Variants in NTRK2 observed in about 807,000 individuals in gnomAD.
The protein encoded by NTRK2 is neurotrophic receptor tyrosine kinase 2.
A neutral mutation model predicts 94.5 loss-of-function variants in NTRK2; 13 were observed. The observed-to-expected ratio is 0.14, with a 90% CI of 0.09 to 0.22. The LOEUF is 0.22. Among genes scored for constraint, NTRK2 ranks in the 10% least tolerant of loss-of-function variants. The pLI, the probability that NTRK2 is intolerant of heterozygous loss-of-function variation, is 1.00. For synonymous variants in NTRK2, 372 were observed against 407.4 expected, an observed-to-expected ratio of 0.91 and a Z score of 1.05; for missense variants, 639 against 1,071.2, an observed-to-expected ratio of 0.60 and a Z score of 5.63.
intron 11 of NTRK2, among the ~76,000 whole-genome samples, chr9:84,751,113 C>T (rs1311421447): frequency 6.6e-6 from 1 of 152,184 alleles, no homozygotes; most frequent in Non-Finnish European, 1.5e-5. Context: ...GAACTCACCC[C>T]AGAAGTGCCC....
At chr9:84,918,218 A>T (rs1207757727) in intron 14 of NTRK2, among the ~76,000 whole-genome samples, 1 of 152,214 alleles carries the variant, frequency 6.6e-6, no homozygotes, top group Non-Finnish European at 1.5e-5. Flanking sequence ...TCAGGAACCA[A>T]GACTCCAACA....
At chr9:84,876,686 C>G in intron 14 of NTRK2, 5 of 1,060,264 alleles carry the variant, frequency 4.7e-6, no homozygotes, top group Non-Finnish European at 5.7e-6. Flanking sequence ...GGTTCAGGAA[C>G]TATGATGCTA....
At chr9:84,822,138 G>T (rs1436871151) in intron 12 of NTRK2, among the ~76,000 whole-genome samples, 1 of 152,126 alleles carries the variant, frequency 6.6e-6, no homozygotes, top group Non-Finnish European at 1.5e-5. Context: ...GTATCAGAGA[G>T]TCTTTTTCTA....
At chr9:84,693,487 A>C (rs971862592) in intron 2 of NTRK2, among the ~76,000 whole-genome samples, 12 of 152,182 alleles carry the variant, frequency 7.9e-5, no homozygotes, top group Non-Finnish European at 1.8e-4. Context: ...TTTCTTTATA[A>C]TATTTTGAAG....
chr9:84,970,048 T>C (rs1243604217), intron 17 of NTRK2, among the ~76,000 whole-genome samples: 1 of 152,226 alleles, frequency 6.6e-6, no homozygotes, highest in Non-Finnish European at 1.5e-5. Context: ...ATTTTTGTGA[T>C]CTTGAACAAG....
At chr9:84,905,517 ACAAT>A (rs2077048162) in intron 14 of NTRK2, among the ~76,000 whole-genome samples, 2 of 152,224 alleles carry the variant, frequency 1.3e-5, no homozygotes, top group African/African-American at 4.8e-5. Flanking sequence ...TGGGTCACAA[ACAAT>A]CAATATTTTT....
At chr9:84,989,243 A>C (rs923616849) in intron 17 of NTRK2, among the ~76,000 whole-genome samples, 1 of 152,122 alleles carries the variant, frequency 6.6e-6, no homozygotes, top group African/African-American at 2.4e-5. Flanking sequence ...TGAGGCACTA[A>C]ATACTTCTCT....
At chr9:84,778,353 T>C (rs867454546) in intron 12 of NTRK2, among the ~76,000 whole-genome samples, 6 of 152,216 alleles carry the variant, frequency 3.9e-5, no homozygotes, top group Non-Finnish European at 7.3e-5. Flanking sequence ...CCAGCTCAGC[T>C]TATTTCTCTC....
intron 17 of NTRK2, among the ~76,000 whole-genome samples, chr9:84,956,760 C>T (rs1445123588): frequency 3.9e-5 from 6 of 151,996 alleles, no homozygotes; most frequent in South Asian, 2.1e-4. Flanking sequence ...ATGGCCTCTG[C>T]GTTTTAGTGG....
In NTRK2 at chr9:85,022,542, C is replaced by A. The variant is rs1832833933; in HGVS notation, c.*1105C>A. 4.3e-6 allele frequency: 1 copy of A among 233,098 alleles called. No individual in the cohort carries two copies. The highest frequency in any genetic ancestry group is 5.6e-5 in the Admixed American group (1 of 17,778). 14.4% of individuals were successfully genotyped at this position (233,098 alleles called of 1,614,324 possible). A position where few individuals can be genotyped will look rare whatever the true frequency, so the allele number is the denominator to read the frequency against. On this transcript the variant is annotated 3_prime_UTR_variant, in exon 19 of 19. Coordinates refer to ENST00000277120, the MANE Select transcript of NTRK2 (RefSeq NM_006180.6). ...AAGCTATAAATTCGGAGGCAAGTTT[C>A]TTTTACAATGAACTTTTCAGATCTC...
At chr9:84,756,155 C>G (rs112175333) in intron 12 of NTRK2, among the ~76,000 whole-genome samples, 4 of 152,128 alleles carry the variant, frequency 2.6e-5, no homozygotes, top group South Asian at 2.1e-4. Context: ...TAATATTATC[C>G]CTTTTCTTCT....
intron 17 of NTRK2, among the ~76,000 whole-genome samples, chr9:84,956,588 G>T (rs1366082087): frequency 1.3e-5 from 2 of 152,178 alleles, no homozygotes; most frequent in Non-Finnish European, 2.9e-5. Context: ...AAATGTGCTG[G>T]TGTCTATAGC....
intron 12 of NTRK2, among the ~76,000 whole-genome samples, chr9:84,784,675 T>C (rs922669656): frequency 6.6e-6 from 1 of 152,198 alleles, no homozygotes; most frequent in African/African-American, 2.4e-5. Context: ...TATTTAGTGG[T>C]ACACACATGC....
At chr9:84,721,115 A>G (rs528353037) in intron 6 of NTRK2, among the ~76,000 whole-genome samples, 1 of 152,300 alleles carries the variant, frequency 6.6e-6, no homozygotes, top group African/African-American at 2.4e-5. Context: ...AAATAAAGTA[A>G]GTATTGCATA....
At chr9:84,850,634 A>G (rs1009303061) in intron 12 of NTRK2, among the ~76,000 whole-genome samples, 7 of 152,200 alleles carry the variant, frequency 4.6e-5, no homozygotes, top group African/African-American at 1.7e-4. Context: ...GCCCCACCCA[A>G]TAGAGAGGAA....
chr9:84,884,117 A>G (rs999046480), intron 14 of NTRK2, among the ~76,000 whole-genome samples: 2 of 152,216 alleles, frequency 1.3e-5, no homozygotes, highest in African/African-American at 2.4e-5. Context: ...TTTCAATGAA[A>G]AGTATTCAAA....
intron 17 of NTRK2, among the ~76,000 whole-genome samples, chr9:84,972,862 A>C (rs932769151): frequency 2.6e-5 from 4 of 152,200 alleles, no homozygotes; most frequent in African/African-American, 9.7e-5. Context: ...TTTAGCCCCC[A>C]AAAACCCATA....
At chr9:84,907,351 A>G (rs150723998) in intron 14 of NTRK2, among the ~76,000 whole-genome samples, 1 of 152,316 alleles carries the variant, frequency 6.6e-6, no homozygotes, top group East Asian at 1.9e-4. Context: ...TAGCAAAGGA[A>G]TATTTTCAGA....
intron 17 of NTRK2, among the ~76,000 whole-genome samples, chr9:85,005,810 G>A (rs565382391): frequency 6.6e-6 from 1 of 152,160 alleles, no homozygotes; most frequent in South Asian, 2.1e-4. Flanking sequence ...ACTCAGAAAA[G>A]CCTTGACTGA....
Sources: gnomAD v4.1 joint callset for allele counts (sites outside exome capture counted in the v4.1 genomes callset) on GRCh38, gnomAD v4.1.1 for gene constraint, MANE v1.5 for transcripts, NCBI Gene and HGNC (gene_info 2026-07-23, HGNC 2026-07-21) for gene names.